HS2ST1: variants seen among roughly 807,000 people sequenced by gnomAD.
The protein encoded by HS2ST1 is 2-O-sulfotransferase.
HS2ST1 carries 18 observed loss-of-function variants against 42.9 expected under a neutral mutation model. The ratio of observed to expected loss-of-function variants is 0.42; its 90% CI spans 0.29 to 0.62. The LOEUF is 0.62. Ranked by LOEUF, HS2ST1 falls within the 20% of genes least tolerant of loss-of-function variation. HS2ST1 has a pLI of 0.21. For synonymous variants in HS2ST1, 146 were observed against 152.9 expected (o/e 0.95, Z 0.33); for missense variants, 334 against 433.8 (o/e 0.77, Z 2.04).
chr1:86,993,595 A>T (rs1649019296), intron 1 of HS2ST1, among the ~76,000 whole-genome samples: 1 of 152,294 alleles, frequency 6.6e-6, no homozygotes, highest in South Asian at 2.1e-4. Context: ...TACTATATGG[A>T]TATATAGGGT....
At chr1:87,037,069 T>G (rs1380829172) in intron 1 of HS2ST1, among the ~76,000 whole-genome samples, 1 of 152,136 alleles carries the variant, frequency 6.6e-6, no homozygotes, top group Admixed American at 6.6e-5. Flanking sequence ...TCAATTCATT[T>G]GTTTTGCTGA....
intron 1 of HS2ST1, among the ~76,000 whole-genome samples, chr1:87,013,126 C>T (rs138614126): frequency 6.6e-6 from 1 of 152,230 alleles, no homozygotes; most frequent in African/African-American, 2.4e-5. Flanking sequence ...CTTCTCACAG[C>T]TCCAGTAGGT....
chr1:87,046,367 T>G, intron 1 of HS2ST1: 1 of 760,910 alleles, frequency 1.3e-6, no homozygotes, highest in Admixed American at 1.7e-5. Flanking sequence ...ACTTAAGAAG[T>G]ATCTCCTGAC....
Position 87,103,574 on chromosome 1 carries a change from G to A in HS2ST1, c.829G>A (p.Glu277Lys). 1.2e-6 allele frequency: 2 copies of A among 1,608,482 alleles called. No homozygotes were observed. The highest frequency in any genetic ancestry group is 1.7e-6 in the Non-Finnish European group (2 of 1,178,074). Residue 277 changes from glutamate (E) to lysine (K), a missense_variant, in exon 6 of 7, where the codon GAA (glutamate) becomes AAA (lysine). Glu to Lys is a moderately conservative substitution (Grantham distance 56). Coordinates refer to ENST00000370550, the MANE Select transcript of HS2ST1 (RefSeq NM_012262.4). Reference sequence around the variant, plus strand: ...GCCCCGGTTTTTCAGGGGTGCTACTGAACTCTATCGCACAGGTATATAAAG... The same window carrying A: ...GCCCCGGTTTTTCAGGGGTGCTACTAAACTCTATCGCACAGGTATATAAAG... ...ALPRFFRGAT[E>K]LYRTGKKSHL...
At chr1:86,972,274 A>C (rs550514025) in intron 1 of HS2ST1, among the ~76,000 whole-genome samples, 1 of 152,234 alleles carries the variant, frequency 6.6e-6, no homozygotes, top group African/African-American at 2.4e-5. Flanking sequence ...TGATGAGTAC[A>C]GTATAATAAA....
At chr1:86,917,203 G>A (rs542531469) in intron 1 of HS2ST1, among the ~76,000 whole-genome samples, 1 of 152,254 alleles carries the variant, frequency 6.6e-6, no homozygotes, top group South Asian at 2.1e-4. Context: ...AGATACTCGT[G>A]TTTAAAGTAA....
chr1:87,059,895 C>A (rs1344873074), intron 1 of HS2ST1, among the ~76,000 whole-genome samples: 1 of 152,092 alleles, frequency 6.6e-6, no homozygotes, highest in South Asian at 2.1e-4. Context: ...AATAATAGGT[C>A]TCATCTCTAT....
At chr1:87,095,676 T>C (rs779720321) in intron 4 of HS2ST1, among the ~76,000 whole-genome samples, 3 of 152,188 alleles carry the variant, frequency 2.0e-5, no homozygotes, top group African/African-American at 4.8e-5. Context: ...CTTTTTGATA[T>C]AGGAACTCCT....
rs550351970 is a variant in HS2ST1, at chr1:87,001,519, C to G, written c.125-71415C>G. Among the ~76,000 whole-genome samples the G allele has an allele frequency of 2.6e-5, 4 of 152,242 alleles. No homozygotes were observed. The East Asian group carries it at 5.8e-4, about 22-fold the overall frequency. On this transcript the variant is annotated intron_variant, in intron 1 of 6. Transcript: ENST00000370550. ...AGTTTTCCTCTGAAAATTAAAAGAG[C>G]CTTCTAGAACTTTAGAGCTCAGAAT...
At chr1:87,093,737 AACTATTACACAGTAGTG>A (rs1652000264) in intron 4 of HS2ST1, among the ~76,000 whole-genome samples, 1 of 152,072 alleles carries the variant, frequency 6.6e-6, no homozygotes, top group Admixed American at 6.6e-5. Flanking sequence ...TTTAAACCTA[AACTATTACACAGTAGTG>A]ATGCCAGATA....
chr1:87,092,936 G>A (rs745953516), intron 4 of HS2ST1, among the ~76,000 whole-genome samples: 24 of 152,020 alleles, frequency 1.6e-4, no homozygotes, highest in Non-Finnish European at 2.9e-4. Flanking sequence ...TTTTCTGTGC[G>A]ATTATTGTAA....
chr1:86,970,612 T>G (rs1648202641), intron 1 of HS2ST1, among the ~76,000 whole-genome samples: 1 of 152,144 alleles, frequency 6.6e-6, no homozygotes. Flanking sequence ...CAGGCTGGTC[T>G]CGAACACCTG....
intron 1 of HS2ST1, chr1:87,045,363 C>G (rs990684599): frequency 1.3e-5 from 17 of 1,354,852 alleles, no homozygotes; most frequent in South Asian, 1.2e-4. Flanking sequence ...GCTTCTGTCT[C>G]TCCCTTTTCA....
chr1:87,033,673 A>G (rs1331692861), intron 1 of HS2ST1, among the ~76,000 whole-genome samples: 1 of 152,034 alleles, frequency 6.6e-6, no homozygotes, highest in African/African-American at 2.4e-5. Context: ...CCTCCCCAGT[A>G]GTTGGATTAC....
At chr1:87,053,620 C>T (rs1046126397) in intron 1 of HS2ST1, among the ~76,000 whole-genome samples, 6 of 152,110 alleles carry the variant, frequency 3.9e-5, no homozygotes, top group Admixed American at 2.0e-4. Flanking sequence ...CAGCTGCGTG[C>T]TTTGTGAGTT....
At chr1:87,054,115 C>A (rs531595920) in intron 1 of HS2ST1, among the ~76,000 whole-genome samples, 2 of 151,932 alleles carry the variant, frequency 1.3e-5, no homozygotes, top group East Asian at 3.9e-4. Flanking sequence ...TAATCCAAAT[C>A]TCTCCCTCAT....
chr1:87,037,480 A>G (rs1650408351), intron 1 of HS2ST1, among the ~76,000 whole-genome samples: 1 of 151,850 alleles, frequency 6.6e-6, no homozygotes, highest in Admixed American at 6.6e-5. Context: ...AGATTACAGA[A>G]AAGTCCAAAG....
intron 1 of HS2ST1, chr1:87,045,163 TG>T (rs1650616316): frequency 1.2e-6 from 1 of 869,180 alleles, no homozygotes; most frequent in Non-Finnish European, 2.0e-6. Context: ...GTTATGCTTT[TG>T]GCAGCATCTT....
At chr1:86,945,635 A>G (rs1323646961) in intron 1 of HS2ST1, among the ~76,000 whole-genome samples, 1 of 152,206 alleles carries the variant, frequency 6.6e-6, no homozygotes, top group African/African-American at 2.4e-5. Flanking sequence ...TTGAACTTGT[A>G]CTTATAGACT....
Sources: allele counts gnomAD v4.1 joint callset (sites outside exome capture counted in the v4.1 genomes callset), GRCh38; gene constraint gnomAD v4.1.1; transcripts MANE v1.5; gene names NCBI Gene and HGNC (gene_info 2026-07-23, HGNC 2026-07-21).